Variants in FHIT observed in about 807,000 individuals in gnomAD.
The protein encoded by FHIT is fragile histidine triad diadenosine triphosphatase.
FHIT carries 19 observed loss-of-function variants against 17.9 expected under a neutral mutation model. The ratio of observed to expected loss-of-function variants is 1.06; its 90% CI spans 0.74 to 1.56. The LOEUF (loss-of-function observed/expected upper bound fraction) is 1.56, where lower values mean the gene tolerates loss of function less well. FHIT is among the 40% of genes most tolerant of loss of function. The pLI is 0.00. For missense variants in FHIT, 248 were observed against 189.2 expected, an observed-to-expected ratio of 1.31 and a Z score of -1.82; for synonymous variants, 81 against 69.7, an observed-to-expected ratio of 1.16 and a Z score of -0.81.
intron 8 of FHIT, among the ~76,000 whole-genome samples, chr3:59,797,251 A>G (rs945686187): frequency 2.6e-5 from 4 of 151,868 alleles, no homozygotes; most frequent in Admixed American, 6.6e-5. Flanking sequence ...CAGTGGCACA[A>G]TCTCTACTCA....
intron 3 of FHIT, among the ~76,000 whole-genome samples, chr3:61,019,809 C>T (rs2032312473): frequency 6.6e-6 from 1 of 152,180 alleles, no homozygotes; most frequent in Non-Finnish European, 1.5e-5. Context: ...ACCTAGTCTC[C>T]AGGCACAATG....
intron 5 of FHIT, among the ~76,000 whole-genome samples, chr3:60,408,797 GC>G (rs893313592): frequency 3.3e-5 from 5 of 152,166 alleles, no homozygotes. Flanking sequence ...CCTGGCACTT[GC>G]CCTCAAAGGA....
intron 5 of FHIT, among the ~76,000 whole-genome samples, chr3:60,060,225 T>C (rs918183564): frequency 6.6e-6 from 1 of 151,886 alleles, no homozygotes; most frequent in African/African-American, 2.4e-5. Context: ...TCCATCCTCA[T>C]GTTACACACT....
At position 60,626,524 on chromosome 3, in the gene FHIT, T is replaced by G. The variant is rs970316501; in HGVS notation, c.-17-89545A>C. ...TTTCTGATTGTCTATCACAAGTGAA[T>G]AGAGAGAATGAGTTTGTGTATATTG... is the stretch of plus-strand genomic sequence containing the variant. On this transcript the variant is annotated intron_variant, in intron 4 of 9. Coordinates refer to ENST00000492590, the MANE Select transcript of FHIT (RefSeq NM_002012.4). Among the ~76,000 whole-genome samples, 140 of 152,328 alleles carry G rather than the reference T, an allele frequency of 9.2e-4. 1 individual carries two copies. Among genetic ancestry groups the G allele is most frequent in the African/African-American group, 3.2e-3 (135 of 41,588 alleles).
chr3:59,974,203 C>G lies in FHIT; in HGVS notation c.279+37168G>C, dbSNP rs766075134. Among the ~76,000 whole-genome samples, 178 of 152,160 alleles carry G rather than the reference C, an allele frequency of 1.2e-3. 6 individuals are homozygous for G. Among genetic ancestry groups the G allele is most frequent in the Admixed American group, 7.2e-4 (11 of 15,276 alleles). On this transcript the variant is annotated intron_variant, in intron 7 of 9. Coordinates refer to ENST00000492590, the MANE Select transcript of FHIT (RefSeq NM_002012.4). ...ATTAGGCCAAGTTGTACCCCAACCC[C>G]AAAATGACAGATGATTTGCTACACA... is the stretch of plus-strand genomic sequence containing the variant.
intron 7 of FHIT, among the ~76,000 whole-genome samples, chr3:60,000,057 A>C (rs1699668422): frequency 6.6e-6 from 1 of 152,172 alleles, no homozygotes; most frequent in Non-Finnish European, 1.5e-5. Context: ...TTGCCCTAGA[A>C]AATATAAGAT....
rs372800317 is a variant in FHIT at position 60,189,241 on chromosome 3, G to T, written c.104-175089C>A. 2.3e-3 allele frequency among the ~76,000 whole-genome samples: 346 copies of T among 151,936 alleles called. 1 individual carries two copies. The highest frequency in any genetic ancestry group is 7.4e-3 in the African/African-American group (308 of 41,456). ...GGTGTTCAATTTAGAAGCTGGGGGT[G>T]GGGGGGAAAGAGGAGAAAGAAAAGA... On this transcript the variant is annotated intron_variant, in intron 5 of 9. Transcript: ENST00000492590.
intron 7 of FHIT, among the ~76,000 whole-genome samples, chr3:59,945,397 T>A (rs568815728): frequency 6.6e-6 from 1 of 152,278 alleles, no homozygotes; most frequent in South Asian, 2.1e-4. Context: ...TTATTTAAAT[T>A]CCTTATAGAG....
At chr3:60,114,882 G>C (rs1351351075) in intron 5 of FHIT, among the ~76,000 whole-genome samples, 2 of 152,100 alleles carry the variant, frequency 1.3e-5, no homozygotes, top group East Asian at 1.9e-4. Context: ...TGACAGAAGA[G>C]AGAGGCCAGA....
chr3:59,939,600 T>C (rs1198699340), intron 7 of FHIT, among the ~76,000 whole-genome samples: 1 of 152,212 alleles, frequency 6.6e-6, no homozygotes, highest in Non-Finnish European at 1.5e-5. Context: ...GAAGGCTAAG[T>C]GTGTACTTGA....
chr3:60,539,910 T>C (rs922676517), intron 4 of FHIT, among the ~76,000 whole-genome samples: 38 of 151,588 alleles, frequency 2.5e-4, no homozygotes, highest in African/African-American at 8.0e-4. Context: ...CTGCATGTTG[T>C]GCACATGTAC....
chr3:59,755,658 G>GGAACACTGAACC (rs1157373516), intron 8 of FHIT, among the ~76,000 whole-genome samples: 14 of 152,166 alleles, frequency 9.2e-5, no homozygotes, highest in Admixed American at 1.3e-4. Context: ...ACCTAGCACT[G>GGAACACTGAACC]GAACACTGAA....
intron 1 of FHIT, among the ~76,000 whole-genome samples, chr3:61,232,465 T>C (rs2040130351): frequency 6.6e-6 from 1 of 152,174 alleles, no homozygotes; most frequent in Non-Finnish European, 1.5e-5. Flanking sequence ...TTAAAAGGTA[T>C]GTGAGTCATA....
In FHIT at chr3:60,566,379, G is replaced by A. The variant is rs1002951124; in HGVS notation, c.-17-29400C>T. ...AAACCACATGATTATCTCAATAGATGCAGAAAAGGCCTTTGACAAAATTCA... is the reference window on the plus strand; with the variant it reads ...AAACCACATGATTATCTCAATAGATACAGAAAAGGCCTTTGACAAAATTCA... On this transcript the variant is annotated intron_variant, in intron 4 of 9. Coordinates refer to ENST00000492590, the MANE Select transcript of FHIT (RefSeq NM_002012.4). Among the ~76,000 whole-genome samples the A allele has an allele frequency of 9.9e-5, 15 of 152,112 alleles. No homozygotes were observed. The East Asian group carries it at 1.2e-3, about 12-fold the overall frequency.
intron 5 of FHIT, among the ~76,000 whole-genome samples, chr3:60,241,377 T>A (rs1705120640): frequency 6.6e-6 from 1 of 152,164 alleles, no homozygotes; most frequent in Admixed American, 6.5e-5. Flanking sequence ...CAAATTTATA[T>A]TAAAAATCTT....
chr3:60,204,417 G>C (rs557254126), intron 5 of FHIT, among the ~76,000 whole-genome samples: 1 of 150,512 alleles, frequency 6.6e-6, no homozygotes, highest in Non-Finnish European at 1.5e-5. Context: ...TTACAAGCAC[G>C]CATCACCATG....
chr3:61,208,704 G>C (rs1160705685), intron 1 of FHIT, among the ~76,000 whole-genome samples: 1 of 151,760 alleles, frequency 6.6e-6, no homozygotes, highest in Non-Finnish European at 1.5e-5. Flanking sequence ...TTGAGCCTAT[G>C]TGTGTCTCTG....
intron 5 of FHIT, among the ~76,000 whole-genome samples, chr3:60,226,859 C>T (rs1704233435): frequency 6.6e-6 from 1 of 152,112 alleles, no homozygotes; most frequent in African/African-American, 2.4e-5. Context: ...CGCCACTTCT[C>T]TATGTGAATG....
chr3:60,284,900 A>G (rs957810623), intron 5 of FHIT, among the ~76,000 whole-genome samples: 1 of 152,266 alleles, frequency 6.6e-6, no homozygotes, highest in African/African-American at 2.4e-5. Context: ...AAAAGAACAT[A>G]TCTGTGTTTG....
Sources: gnomAD v4.1 joint callset for allele counts (sites outside exome capture counted in the v4.1 genomes callset) on GRCh38, gnomAD v4.1.1 for gene constraint, MANE v1.5 for transcripts, NCBI Gene and HGNC (gene_info 2026-07-23, HGNC 2026-07-21) for gene names.